Variants in HK1 observed in about 807,000 individuals in gnomAD.
HK1 encodes the protein hexokinase-1.
HK1 carries 28 observed loss-of-function variants against 91.6 expected under a neutral mutation model. The ratio of observed to expected loss-of-function variants is 0.31; its 90% CI spans 0.23 to 0.42. The LOEUF (loss-of-function observed/expected upper bound fraction) is 0.42, where lower values mean the gene tolerates loss of function less well. Ranked by LOEUF, HK1 falls within the 10% of genes least tolerant of loss-of-function variation. HK1 has a pLI of 1.00. For missense variants in HK1, 770 were observed against 1,219.8 expected (o/e 0.63, Z 5.49); for synonymous variants, 430 against 468.1 (o/e 0.92, Z 1.05).
Position 69,379,852 on chromosome 10 carries a change from A to G in HK1, c.1032-10A>G, listed in dbSNP as rs1290552639. 4 of 1,599,118 alleles carry G rather than the reference A, an allele frequency of 2.5e-6. No individual in the cohort carries two copies. Among genetic ancestry groups the G allele is most frequent in the Admixed American group, 1.7e-5 (1 of 60,016 alleles). On this transcript the variant is annotated splice_polypyrimidine_tract_variant and intron_variant, in intron 8 of 17. Transcript: ENST00000359426. ...CCTCAGTGCATCAGTATTGGCTTCT[A>G]ACTTCACAGGAATAAGGAAGGCCTC...
At chr10:69,284,571 C>A (rs768602402) in intron 2 of HK1, among the ~76,000 whole-genome samples, 1 of 152,074 alleles carries the variant, frequency 6.6e-6, no homozygotes, top group Non-Finnish European at 1.5e-5. Flanking sequence ...CCCAGCACTT[C>A]GGGAAGCTGA....
chr10:69,295,125 G>A (rs961085125), intron 3 of HK1, among the ~76,000 whole-genome samples: 1 of 152,076 alleles, frequency 6.6e-6, no homozygotes, highest in African/African-American at 2.4e-5. Context: ...CCAAGAGCTG[G>A]TCACTGCTTG....
intron 2 of HK1, among the ~76,000 whole-genome samples, chr10:69,351,938 A>AG (rs1311364606): frequency 6.6e-6 from 1 of 152,110 alleles, no homozygotes; most frequent in African/African-American, 2.4e-5. Flanking sequence ...CTGATATTCT[A>AG]GTGACTCACC....
intron 1 of HK1, among the ~76,000 whole-genome samples, chr10:69,341,119 T>G (rs1195362378): frequency 6.6e-6 from 1 of 151,086 alleles, no homozygotes; most frequent in South Asian, 2.1e-4. Flanking sequence ...GGCCATGTTT[T>G]TGGCAATTTT....
At chr10:69,292,351 G>A (rs775675384) in intron 3 of HK1, 3 of 445,712 alleles carry the variant, frequency 6.7e-6, no homozygotes, top group African/African-American at 4.0e-5. Flanking sequence ...GGGATTACAG[G>A]TATGAGCCAC....
At chr10:69,320,500 C>T (rs1260485499) in intron 1 of HK1, among the ~76,000 whole-genome samples, 3 of 152,096 alleles carry the variant, frequency 2.0e-5, no homozygotes, top group Admixed American at 6.5e-5. Flanking sequence ...GGGAGCTGTG[C>T]GTGCGGGTGT....
chr10:69,271,755 GC>G (rs1844181740), intron 1 of HK1, among the ~76,000 whole-genome samples: 1 of 152,082 alleles, frequency 6.6e-6, no homozygotes, highest in South Asian at 2.1e-4. Flanking sequence ...GGGATTACAG[GC>G]ATGAGCCACT....
Position 69,273,644 on chromosome 10 carries a change from G to A in HK1, c.-391+3536G>A, listed in dbSNP as rs377584911. 1.4e-4 allele frequency among the ~76,000 whole-genome samples: 22 copies of A among 152,320 alleles called. No individual in the cohort carries two copies. The East Asian group carries it at 3.3e-3, about 23-fold the overall frequency. On this transcript the variant is annotated intron_variant, in intron 1 of 21. Transcript: ENST00000360289. The stretch of plus-strand genomic sequence containing the variant: ...TGGGATTACAGGCATGAGCCACTGC[G>A]CCCAGCCAGTTTGCATAATCTCCAA...
intron 3 of HK1, among the ~76,000 whole-genome samples, chr10:69,289,301 C>A (rs74138353): frequency 0.027 from 4,128 of 152,196 alleles, 195 homozygotes; most frequent in African/African-American, 0.094. Flanking sequence ...GAGGATCGTT[C>A]TGTATCCCCC....
chr10:69,381,846 G>A (rs1839405148), intron 9 of HK1, among the ~76,000 whole-genome samples: 1 of 152,156 alleles, frequency 6.6e-6, no homozygotes, highest in African/African-American at 2.4e-5. Context: ...GAGCCACCTC[G>A]CACTTGGCCC....
At chr10:69,301,666 T>C (rs1424215673) in intron 5 of HK1, among the ~76,000 whole-genome samples, 1 of 150,620 alleles carries the variant, frequency 6.6e-6, no homozygotes, top group East Asian at 1.9e-4. Context: ...AAGAGAAGTA[T>C]AGACTTTTAC....
chr10:69,315,674 T>C, upstream of HK1: 2 of 509,160 alleles, frequency 3.9e-6, no homozygotes, highest in Non-Finnish European at 7.2e-6. Context: ...CAGTGCAGCA[T>C]GGGCCCTGGC....
chr10:69,290,056 C>A (rs1564756141), intron 3 of HK1, among the ~76,000 whole-genome samples: 1 of 152,064 alleles, frequency 6.6e-6, no homozygotes, highest in Non-Finnish European at 1.5e-5. Context: ...GTAGGTGGGT[C>A]CCTCTGAAGC....
chr10:69,324,227 C>T (rs1308299876), intron 1 of HK1, among the ~76,000 whole-genome samples: 1 of 152,138 alleles, frequency 6.6e-6, no homozygotes, highest in African/African-American at 2.4e-5. Context: ...TTATTATGTG[C>T]AGAGGACTGT....
rs769200469 is a variant in HK1, at chr10:69,389,325, G to C, written c.2035+29G>C. 4 of 1,520,006 alleles carry C rather than the reference G, an allele frequency of 2.6e-6. No individual in the cohort carries two copies. The East Asian group carries it at 6.9e-5, about 26-fold the overall frequency. 94.2% of individuals were successfully genotyped at this position (1,520,006 alleles called of 1,614,324 possible). ...AGTGTCCTGGAAGGTCTCTTTCCCT[G>C]CAGAAGGGAAGGCTGGGGTTTCCCC... is the stretch of plus-strand genomic sequence containing the variant. On this transcript the variant is annotated intron_variant, in intron 14 of 17. Transcript: ENST00000359426.
intron 1 of HK1, among the ~76,000 whole-genome samples, chr10:69,326,347 G>A (rs576495944): frequency 2.6e-5 from 4 of 152,096 alleles, no homozygotes; most frequent in Admixed American, 6.5e-5. Flanking sequence ...TATTATTCCC[G>A]GGCTTCCCAG....
At chr10:69,314,101 C>T (rs1235832070), upstream of HK1, among the ~76,000 whole-genome samples, 1 of 152,164 alleles carries the variant, frequency 6.6e-6, no homozygotes, top group Non-Finnish European at 1.5e-5. Flanking sequence ...AACCTTCACC[C>T]CACTGAGCTC....
intron 1 of HK1, among the ~76,000 whole-genome samples, chr10:69,321,709 A>G (rs1847042902): frequency 6.6e-6 from 1 of 152,180 alleles, no homozygotes; most frequent in African/African-American, 2.4e-5. Flanking sequence ...TTCTTTCTTC[A>G]TTGCCTATGA....
chr10:69,357,346 G>A (rs770555122), intron 2 of HK1, among the ~76,000 whole-genome samples: 13 of 152,196 alleles, frequency 8.5e-5, no homozygotes, highest in Non-Finnish European at 1.5e-4. Flanking sequence ...GAGTGTAACA[G>A]CCATTAAAAG....
Sources: gnomAD v4.1 joint callset for allele counts (sites outside exome capture counted in the v4.1 genomes callset) on GRCh38, gnomAD v4.1.1 for gene constraint, MANE v1.5 for transcripts, NCBI Gene and HGNC (gene_info 2026-07-23, HGNC 2026-07-21) for gene names.